Variants in ATXN1 observed in about 807,000 individuals in gnomAD.
The protein encoded by ATXN1 is ataxin 1.
A neutral mutation model predicts 56.4 loss-of-function variants in ATXN1; 8 were observed. The ratio of observed to expected loss-of-function variants is 0.14; its 90% CI spans 0.08 to 0.26. ATXN1 has a LOEUF of 0.26. ATXN1 is among the 10% of genes least tolerant of loss of function. The pLI is 1.00. For synonymous variants in ATXN1, 514 were observed against 494.6 expected, an observed-to-expected ratio of 1.04 and a Z score of -0.52; for missense variants, 987 against 1,106.5, an observed-to-expected ratio of 0.89 and a Z score of 1.53.
intron 2 of ATXN1, among the ~76,000 whole-genome samples, chr6:16,699,021 GTATCTGCTCT>G (rs1373051063): frequency 6.6e-6 from 1 of 152,262 alleles, no homozygotes; most frequent in Non-Finnish European, 1.5e-5. Flanking sequence ...CCAGAAATCA[GTATCTGCTCT>G]TCCAAAGAAA....
intron 3 of ATXN1, chr6:16,653,040 T>A (rs1047356640): frequency 2.0e-5 from 3 of 152,086 alleles, no homozygotes; most frequent in African/African-American, 7.2e-5. Flanking sequence ...TCAAAAAAAA[T>A]GTGTTAATGC....
chr6:16,618,047 A>AGC (rs1763251529), intron 3 of ATXN1, among the ~76,000 whole-genome samples: 1 of 152,076 alleles, frequency 6.6e-6, no homozygotes, highest in Non-Finnish European at 1.5e-5. Flanking sequence ...TTCTAGGTAT[A>AGC]AAAGCAAAAA....
intron 2 of ATXN1, among the ~76,000 whole-genome samples, chr6:16,711,779 G>A (rs978635792): frequency 1.3e-5 from 2 of 151,854 alleles, no homozygotes; most frequent in African/African-American, 2.4e-5. Flanking sequence ...CACTGCTGCC[G>A]CCTAGTTTTT....
chr6:16,620,512 GA>G lies in ATXN1; in HGVS notation c.-488-34606del, dbSNP rs549680092. ...ACACATACACACACAGACAGAGAGA[GA>G]GAGATGAAGATTCTCATATCCTAGG... On this transcript the variant is annotated intron_variant, in intron 3 of 7. Coordinates refer to ENST00000436367, the MANE Select transcript of ATXN1 (RefSeq NM_001128164.2). Among the ~76,000 whole-genome samples the G allele has an allele frequency of 1.2e-4, 19 of 152,238 alleles. No homozygotes were observed. The South Asian group carries it at 3.9e-3, about 32-fold the overall frequency.
chr6:16,613,510 T>C (rs1581292373), intron 3 of ATXN1, among the ~76,000 whole-genome samples: 1 of 152,020 alleles, frequency 6.6e-6, no homozygotes. Context: ...ATATGTAATA[T>C]TTGACTGTGT....
At chr6:16,321,395 T>A (rs1760649184) in intron 7 of ATXN1, among the ~76,000 whole-genome samples, 1 of 152,180 alleles carries the variant, frequency 6.6e-6, no homozygotes, top group African/African-American at 2.4e-5. Context: ...AAGCAGCAAC[T>A]CTCTTCCAGG....
intron 6 of ATXN1, among the ~76,000 whole-genome samples, chr6:16,404,330 C>CTTGTTTGAACTGAGCATGTT (rs1758640392): frequency 6.6e-6 from 1 of 152,138 alleles, no homozygotes; most frequent in African/African-American, 2.4e-5. Flanking sequence ...CAAAGTGAGC[C>CTTGTTTGAACTGAGCATGTT]TTGTTTGAAC....
At position 16,680,783 on chromosome 6, in the gene ATXN1, A is replaced by C. The variant is rs185340564; in HGVS notation, c.-614-22882T>G. Reference sequence around the variant, plus strand: ...CAATACGGGACATGGAACATGCCAAAAGATCGAAAGATTCTTTCTTCCCCC... The same window carrying C: ...CAATACGGGACATGGAACATGCCAACAGATCGAAAGATTCTTTCTTCCCCC... On this transcript the variant is annotated intron_variant, in intron 2 of 7. Coordinates refer to ENST00000436367, the MANE Select transcript of ATXN1 (RefSeq NM_001128164.2). Among the ~76,000 whole-genome samples, 42 of 152,370 alleles carry C rather than the reference A, an allele frequency of 2.8e-4. No individual in the cohort carries two copies. In the East Asian group the frequency reaches 7.5e-3, roughly 27 times the overall value.
At chr6:16,610,159 T>TC (rs1763078563) in intron 3 of ATXN1, among the ~76,000 whole-genome samples, 1 of 152,024 alleles carries the variant, frequency 6.6e-6, no homozygotes, top group Non-Finnish European at 1.5e-5. Context: ...AACATAGAGA[T>TC]AGCATGATTG....
Position 16,468,086 on chromosome 6 carries a change from A to G in ATXN1, c.-161+17886T>C, listed in dbSNP as rs567626121. 6.6e-5 allele frequency among the ~76,000 whole-genome samples: 10 copies of G among 152,356 alleles called. No individual in the cohort carries two copies. In the South Asian group the frequency reaches 2.1e-3, roughly 32 times the overall value. Reference sequence around the variant, plus strand: ...AAACCAGAATAATAATTTGTCTCCTATTTGCCTTCATAGTAACATTACTAA... The same window carrying G: ...AAACCAGAATAATAATTTGTCTCCTGTTTGCCTTCATAGTAACATTACTAA... On this transcript the variant is annotated intron_variant, in intron 6 of 7. Coordinates refer to ENST00000436367, the MANE Select transcript of ATXN1 (RefSeq NM_001128164.2).
At chr6:16,705,054 G>A (rs965089769) in intron 2 of ATXN1, among the ~76,000 whole-genome samples, 2 of 152,128 alleles carry the variant, frequency 1.3e-5, no homozygotes, top group East Asian at 1.9e-4. Flanking sequence ...ATCCCTACCC[G>A]CTGGAGCATC....
chr6:16,346,885 G>A (rs1338728981), intron 6 of ATXN1, among the ~76,000 whole-genome samples: 1 of 152,244 alleles, frequency 6.6e-6, no homozygotes, highest in African/African-American at 2.4e-5. Context: ...TGTGGAAGGA[G>A]AGGCGTGGGT....
At chr6:16,574,779 C>T (rs1029454573) in intron 4 of ATXN1, among the ~76,000 whole-genome samples, 3 of 151,476 alleles carry the variant, frequency 2.0e-5, no homozygotes, top group South Asian at 2.1e-4. Flanking sequence ...CTCAACAAAC[C>T]GTAGGGTGTA....
chr6:16,408,090 G>A (rs1008237019), intron 6 of ATXN1, among the ~76,000 whole-genome samples: 2 of 152,166 alleles, frequency 1.3e-5, no homozygotes, highest in African/African-American at 4.8e-5. Flanking sequence ...GCCCCTTGGG[G>A]AGGGGTGCAG....
intron 3 of ATXN1, among the ~76,000 whole-genome samples, chr6:16,608,143 G>A (rs9383187): frequency 0.7 from 106,564 of 152,024 alleles, 38,144 homozygotes; most frequent in East Asian, 0.95. Flanking sequence ...ACGCAACCCT[G>A]GCAATATTAC....
intron 4 of ATXN1, 119 bp from the exon 5 acceptor site, chr6:16,522,807 G>A (rs985208726): frequency 6.6e-6 from 1 of 152,168 alleles, no homozygotes; most frequent in African/African-American, 2.4e-5. Context: ...GCCTTTATTA[G>A]GTGCACAATA....
At chr6:16,527,309 TCGTGTCTCCAGCCATGGAGA>T (rs938038978) in intron 4 of ATXN1, among the ~76,000 whole-genome samples, 6 of 151,970 alleles carry the variant, frequency 3.9e-5, no homozygotes, top group Non-Finnish European at 8.8e-5. Flanking sequence ...TGTGTGGAAA[TCGTGTCTCCAGCCATGGAGA>T]CACGAATGCA....
Position 16,328,254 on chromosome 6 carries a change from G to A in ATXN1, c.57C>T (p.Ile19=), listed in dbSNP as rs772951559. The change falls in exon 7 of 8, where the codon ATC becomes ATT. Residue 19 remains isoleucine (I), a synonymous_variant. Transcript: ENST00000436367. The surrounding 1 kb of genome is among the most constrained non-coding windows in gnomAD (Gnocchi z 6.2). ...CCTCGGAGGACCGGCTGGTGGCGGG[G>A]ATCTCGCGCTTCTTGGGAGGCAGGC... The part of the protein sequence containing the change: ...NECLPPKKRE[I]PATSRSSEEK... 1 of 1,537,600 alleles carries A rather than the reference G, an allele frequency of 6.5e-7. No homozygotes were observed. The highest frequency in any genetic ancestry group is 2.3e-5 in the East Asian group (1 of 44,214).
chr6:16,328,224 CT>C lies in ATXN1; in HGVS notation c.86del (p.Lys29ArgfsTer47). The C allele has an allele frequency of 2.5e-6, 4 of 1,583,816 alleles. No homozygotes were observed. The highest frequency in any genetic ancestry group is 1.8e-5 in the Admixed American group (1 of 56,166). ...GGTTGTCGCTGGGCAGGGTAGGGGC[CT>C]TCTCCTCGGAGGACCGGCTGGTGGC... ...IPATSRSSEE[K>X]APTLPSDNHR... On this transcript the variant is annotated frameshift_variant, in exon 7 of 8. Transcript: ENST00000436367. LOFTEE classifies it high-confidence loss of function. The surrounding 1 kb of genome is among the most constrained non-coding windows in gnomAD (Gnocchi z 6.2).
Sources: gnomAD v4.1 joint callset for allele counts (sites outside exome capture counted in the v4.1 genomes callset) on GRCh38, gnomAD v4.1.1 for gene constraint, Gnocchi (gnomAD v3.1) non-coding constraint, MANE v1.5 for transcripts, NCBI Gene and HGNC (gene_info 2026-07-23, HGNC 2026-07-21) for gene names.